Variants in ANKS1B observed in about 807,000 individuals in gnomAD.
ANKS1B encodes the protein ankyrin repeat and sterile alpha motif domain-containing protein 1B.
In ANKS1B, 36 loss-of-function variants were observed where a neutral mutation model predicts 148.3. The observed-to-expected ratio is 0.24, with a 90% confidence interval of 0.19 to 0.32. ANKS1B has a LOEUF of 0.32. Ranked by LOEUF, ANKS1B falls within the 10% of genes least tolerant of loss-of-function variation. The pLI is 1.00. For missense variants in ANKS1B, 1,157 were observed against 1,542.6 expected (o/e 0.75, Z 4.19); for synonymous variants, 542 against 560.8 (o/e 0.97, Z 0.47).
At chr12:99,765,179 A>C (rs1010726002) in intron 8 of ANKS1B, among the ~76,000 whole-genome samples, 2 of 152,296 alleles carry the variant, frequency 1.3e-5, no homozygotes, top group Non-Finnish European at 2.9e-5. Context: ...CCTGATTCCC[A>C]CGTTGAGGAT....
chr12:99,720,811 A>G (rs905916317), intron 8 of ANKS1B, among the ~76,000 whole-genome samples: 2 of 152,090 alleles, frequency 1.3e-5, no homozygotes, highest in Non-Finnish European at 1.5e-5. Context: ...CACCGTTCTC[A>G]ACTACTCATA....
chr12:99,289,173 AG>A (rs1273414106), intron 12 of ANKS1B, among the ~76,000 whole-genome samples: 1 of 152,104 alleles, frequency 6.6e-6, no homozygotes, highest in Non-Finnish European at 1.5e-5. Flanking sequence ...AAGTGATAAA[AG>A]GGTTATTATA....
intron 1 of ANKS1B, among the ~76,000 whole-genome samples, chr12:99,886,501 T>TA (rs1162807569): frequency 6.6e-6 from 1 of 152,208 alleles, no homozygotes; most frequent in Non-Finnish European, 1.5e-5. Flanking sequence ...ACATGTATCT[T>TA]AATGTTTTTA....
chr12:99,744,402 TA>T (rs2060399682), intron 8 of ANKS1B, among the ~76,000 whole-genome samples: 1 of 152,180 alleles, frequency 6.6e-6, no homozygotes, highest in East Asian at 1.9e-4. Context: ...AAGTTTCACT[TA>T]CAACTGTAAA....
At chr12:99,896,034 G>A (rs1448552875) in intron 1 of ANKS1B, among the ~76,000 whole-genome samples, 2 of 151,080 alleles carry the variant, frequency 1.3e-5, no homozygotes, top group Non-Finnish European at 3.0e-5. Flanking sequence ...AATGATTACT[G>A]TAATCAAGCC....
At chr12:99,361,935 A>G (rs2092496536) in intron 12 of ANKS1B, among the ~76,000 whole-genome samples, 1 of 152,076 alleles carries the variant, frequency 6.6e-6, no homozygotes, top group African/African-American at 2.4e-5. Context: ...TCAGTACATG[A>G]AAGCATCTAT....
chr12:99,704,492 A>G (rs890060587), intron 8 of ANKS1B, among the ~76,000 whole-genome samples: 5 of 152,176 alleles, frequency 3.3e-5, no homozygotes, highest in African/African-American at 1.2e-4. Context: ...GACTACATCT[A>G]GAAATGTATT....
intron 14 of ANKS1B, among the ~76,000 whole-genome samples, chr12:99,172,603 T>A (rs1362939839): frequency 6.6e-6 from 1 of 152,292 alleles, no homozygotes; most frequent in East Asian, 1.9e-4. Context: ...AAGTCAGACA[T>A]GAGAGGATTC....
intron 9 of ANKS1B, among the ~76,000 whole-genome samples, chr12:99,575,659 A>G (rs1205487945): frequency 6.6e-6 from 1 of 152,068 alleles, no homozygotes; most frequent in Non-Finnish European, 1.5e-5. Context: ...CGAGAACAGT[A>G]TGGGGAAAAA....
chr12:99,531,670 A>G (rs913185911), intron 9 of ANKS1B, among the ~76,000 whole-genome samples: 1 of 152,206 alleles, frequency 6.6e-6, no homozygotes, highest in African/African-American at 2.4e-5. Context: ...CAATTAACAT[A>G]TGAGTACAAT....
chr12:99,552,074 T>G (rs1203410750), intron 9 of ANKS1B, among the ~76,000 whole-genome samples: 1 of 152,164 alleles, frequency 6.6e-6, no homozygotes, highest in Non-Finnish European at 1.5e-5. Flanking sequence ...GCCTGGATGA[T>G]CCCTAGTGCT....
chr12:99,737,532 T>C (rs2059721965), intron 8 of ANKS1B, among the ~76,000 whole-genome samples: 1 of 152,088 alleles, frequency 6.6e-6, no homozygotes, highest in South Asian at 2.1e-4. Context: ...CCCACTTCTT[T>C]TCCCCATGCT....
At chr12:98,827,155 A>G (rs544352508) in intron 19 of ANKS1B, among the ~76,000 whole-genome samples, 19 of 152,172 alleles carry the variant, frequency 1.2e-4, no homozygotes, top group Non-Finnish European at 2.6e-4. Flanking sequence ...ATCATGCTCA[A>G]AACTGCAATT....
At chr12:99,904,929 A>C (rs2093726764) in intron 1 of ANKS1B, among the ~76,000 whole-genome samples, 1 of 152,212 alleles carries the variant, frequency 6.6e-6, no homozygotes, top group Admixed American at 6.5e-5. Flanking sequence ...TCACCTTTGT[A>C]TACTTAATTC....
At chr12:99,598,425 A>G (rs1445885821) in intron 9 of ANKS1B, among the ~76,000 whole-genome samples, 1 of 152,064 alleles carries the variant, frequency 6.6e-6, no homozygotes, top group Non-Finnish European at 1.5e-5. Context: ...TCACAACAAA[A>G]CTACAAGATA....
chr12:99,856,945 T>C (rs2089221563), intron 1 of ANKS1B, among the ~76,000 whole-genome samples: 1 of 152,120 alleles, frequency 6.6e-6, no homozygotes, highest in Non-Finnish European at 1.5e-5. Context: ...CAGGAAAATG[T>C]TGAAAGCATT....
At chr12:99,503,224 A>G (rs1014849127) in intron 10 of ANKS1B, among the ~76,000 whole-genome samples, 3 of 152,234 alleles carry the variant, frequency 2.0e-5, no homozygotes, top group African/African-American at 7.2e-5. Context: ...TGTCTGTAAT[A>G]GGCTAGTGCT....
intron 17 of ANKS1B, among the ~76,000 whole-genome samples, chr12:98,989,519 G>A (rs1261789575): frequency 6.6e-6 from 1 of 152,100 alleles, no homozygotes; most frequent in African/African-American, 2.4e-5. Context: ...TTATTTTGTA[G>A]TATATTTTGA....
chr12:99,514,274 C>G lies in ANKS1B; in HGVS notation c.1273-9633G>C, dbSNP rs190096119. Among the ~76,000 whole-genome samples, 54 of 152,024 alleles carry G rather than the reference C, an allele frequency of 3.6e-4. No homozygotes were observed. In the East Asian group the frequency reaches 6.8e-3, roughly 19 times the overall value. ...TCAGTTAGAATTTCATGGCTTGCAA[C>G]CTCTGCTAGAATTAAAGCACCATAG... is the stretch of plus-strand genomic sequence containing the variant. On this transcript the variant is annotated intron_variant, in intron 9 of 26. Coordinates refer to ENST00000683438, the MANE Select transcript of ANKS1B (RefSeq NM_001352186.2).
Sources: allele counts gnomAD v4.1 joint callset (sites outside exome capture counted in the v4.1 genomes callset), GRCh38; gene constraint gnomAD v4.1.1; transcripts MANE v1.5; gene names NCBI Gene and HGNC (gene_info 2026-07-23, HGNC 2026-07-21).